TEAD4: variants seen among roughly 807,000 people sequenced by gnomAD.
The protein encoded by TEAD4 is TEA domain transcription factor 4.
Under a neutral mutation model 52.4 loss-of-function variants are expected in TEAD4, and 36 were observed. That is an observed-to-expected ratio of 0.69 (90% CI 0.53 to 0.91). The LOEUF (loss-of-function observed/expected upper bound fraction) is 0.91, where lower values mean the gene tolerates loss of function less well. Among genes scored for constraint, TEAD4 ranks in the 40% least tolerant of loss-of-function variants. TEAD4 has a pLI of 0.00. For synonymous variants in TEAD4, 220 were observed against 231.0 expected, an observed-to-expected ratio of 0.95 and a Z score of 0.43; for missense variants, 508 against 583.9, an observed-to-expected ratio of 0.87 and a Z score of 1.34.
At chr12:3,003,260 G>C (rs1011185383) in intron 3 of TEAD4, among the ~76,000 whole-genome samples, 1 of 152,212 alleles carries the variant, frequency 6.6e-6, no homozygotes, top group African/African-American at 2.4e-5. Flanking sequence ...AAGTTTGAAA[G>C]CTAATAGCAT....
chr12:3,017,332 G>A (rs900116648), intron 5 of TEAD4, 66 bp from the exon 6 acceptor site: 212 of 1,607,036 alleles, frequency 1.3e-4, no homozygotes, highest in Middle Eastern at 1.7e-4. Flanking sequence ...CCCGAGGGCC[G>A]GACCTGCCTG....
chr12:3,012,440 T>C (rs1000613440), intron 5 of TEAD4, among the ~76,000 whole-genome samples: 30 of 152,092 alleles, frequency 2.0e-4, no homozygotes, highest in Non-Finnish European at 4.1e-4. Flanking sequence ...CCCTGGGAGC[T>C]ACAGGCCAGG....
chr12:3,022,025 TG>T lies in TEAD4; in HGVS notation c.897+9del. 1.2e-6 allele frequency: 2 copies of T among 1,613,676 alleles called. No individual in the cohort carries two copies. Among genetic ancestry groups the T allele is most frequent in the Non-Finnish European group, 1.7e-6 (2 of 1,179,686 alleles). ...TTTCTTGTGAAGTTCTGGGTAAGCCTGTGATAACCCCTTCTTTCCTGCCACC... is the reference window on the plus strand; with the variant it reads ...TTTCTTGTGAAGTTCTGGGTAAGCCTTGATAACCCCTTCTTTCCTGCCACC... On this transcript the variant is annotated intron_variant, in intron 10 of 12. Coordinates refer to ENST00000359864, the MANE Select transcript of TEAD4 (RefSeq NM_003213.4).
intron 2 of TEAD4, among the ~76,000 whole-genome samples, chr12:2,985,276 T>A (rs2098237219): frequency 6.6e-6 from 1 of 151,062 alleles, no homozygotes; most frequent in Non-Finnish European, 1.5e-5. Context: ...TCCCAGCTGC[T>A]CAGGAGGCTG....
intron 11 of TEAD4, among the ~76,000 whole-genome samples, 157 bp from the exon 12 acceptor site, chr12:3,039,950 G>A (rs2098281674): frequency 6.6e-6 from 1 of 152,236 alleles, no homozygotes; most frequent in African/African-American, 2.4e-5. Flanking sequence ...GCCTCCCAAA[G>A]TGTTGGGATT....
chr12:3,034,919 C>T (rs2098278403), intron 10 of TEAD4, among the ~76,000 whole-genome samples: 1 of 148,906 alleles, frequency 6.7e-6, no homozygotes, highest in Admixed American at 6.7e-5. Flanking sequence ...TATGGTGAAA[C>T]CCCACCTCTA....
At chr12:2,961,993 GAGTGCCAGCTTCT>G (rs2098215757) in intron 2 of TEAD4, among the ~76,000 whole-genome samples, 1 of 152,038 alleles carries the variant, frequency 6.6e-6, no homozygotes. Context: ...CCAGAGAACA[GAGTGCCAGCTTCT>G]ATTTTCTGAT....
At chr12:2,996,511 G>A (rs2098247317) in intron 3 of TEAD4, among the ~76,000 whole-genome samples, 3 of 151,636 alleles carry the variant, frequency 2.0e-5, no homozygotes, top group Non-Finnish European at 2.9e-5. Context: ...CCGGGTTCAA[G>A]CGATTCTCCC....
At chr12:2,970,154 A>G (rs893099025) in intron 2 of TEAD4, among the ~76,000 whole-genome samples, 6 of 152,254 alleles carry the variant, frequency 3.9e-5, no homozygotes, top group Non-Finnish European at 8.8e-5. Flanking sequence ...AACGTAATCA[A>G]TAGTAAAAAG....
chr12:2,997,019 C>T (rs993737230), intron 3 of TEAD4, among the ~76,000 whole-genome samples: 2 of 152,170 alleles, frequency 1.3e-5, no homozygotes, highest in Non-Finnish European at 2.9e-5. Context: ...AGGGAAATTT[C>T]CTTCTCTCTC....
intron 6 of TEAD4, among the ~76,000 whole-genome samples, chr12:3,018,326 C>A (rs2098266057): frequency 6.6e-6 from 1 of 152,194 alleles, no homozygotes. Flanking sequence ...CACCTGGGTG[C>A]TTTTCCCATG....
intron 3 of TEAD4, 21 bp from the exon 4 acceptor site, chr12:3,010,983 A>T: frequency 6.2e-7 from 1 of 1,613,876 alleles, no homozygotes. Flanking sequence ...CTCCACTGAG[A>T]GGCTGCTGGT....
intron 3 of TEAD4, among the ~76,000 whole-genome samples, chr12:3,003,789 G>A (rs1455565339): frequency 1.3e-5 from 2 of 152,164 alleles, no homozygotes; most frequent in Non-Finnish European, 2.9e-5. Flanking sequence ...CTGCCACGTT[G>A]CAATGCGCAG....
rs1555118355 is a variant in TEAD4, at chr12:2,962,346, A to ATTTTT, written c.-30+2308_-30+2312dup. On this transcript the variant is annotated intron_variant, in intron 2 of 12. Coordinates refer to ENST00000359864, the MANE Select transcript of TEAD4 (RefSeq NM_003213.4). ...TATATAAATATAAATATATATATAT[A>ATTTTT]TTTTTTGAGATGGAGTTTCGCTCTT... is the stretch of plus-strand genomic sequence containing the variant. Among the ~76,000 whole-genome samples the ATTTTT allele has an allele frequency of 9.4e-5, 12 of 128,056 alleles. No homozygotes were observed. In the South Asian group the frequency reaches 9.6e-4, roughly 10 times the overall value. 84.0% of individuals were successfully genotyped at this position (128,056 alleles called of 152,430 possible).
intron 10 of TEAD4, among the ~76,000 whole-genome samples, chr12:3,028,505 G>A (rs1352553932): frequency 1.3e-5 from 2 of 152,200 alleles, no homozygotes; most frequent in African/African-American, 4.8e-5. Flanking sequence ...TAGCAAATGT[G>A]AAGTGGTATC....
intron 3 of TEAD4, among the ~76,000 whole-genome samples, chr12:3,008,005 C>T (rs1005008464): frequency 1.3e-5 from 2 of 152,056 alleles, no homozygotes; most frequent in East Asian, 1.9e-4. Flanking sequence ...ATTTATTGAG[C>T]GCCTACAATG....
At chr12:2,983,998 G>A (rs2098236084) in intron 2 of TEAD4, among the ~76,000 whole-genome samples, 1 of 152,186 alleles carries the variant, frequency 6.6e-6, no homozygotes, top group African/African-American at 2.4e-5. Flanking sequence ...CATATGGCTG[G>A]ACCTTAAGGC....
intron 5 of TEAD4, among the ~76,000 whole-genome samples, chr12:3,013,351 G>A (rs1429986262): frequency 6.6e-6 from 1 of 151,122 alleles, no homozygotes; most frequent in Non-Finnish European, 1.5e-5. Context: ...GAGCCGTTCT[G>A]GTCAAAGCTA....
intron 4 of TEAD4, among the ~76,000 whole-genome samples, chr12:3,011,326 G>A (rs2098260160): frequency 1.3e-5 from 2 of 152,104 alleles, no homozygotes; most frequent in Non-Finnish European, 2.9e-5. Flanking sequence ...CTCCTCCTGG[G>A]TTCAAGTGAT....
Sources: allele counts gnomAD v4.1 joint callset (sites outside exome capture counted in the v4.1 genomes callset), GRCh38; gene constraint gnomAD v4.1.1; transcripts MANE v1.5; gene names NCBI Gene and HGNC (gene_info 2026-07-23, HGNC 2026-07-21).